The following BIRC6 variants were observed in gnomAD, a reference collection of about 807,000 sequenced individuals.
BIRC6 encodes baculoviral IAP repeat containing 6.
A neutral mutation model predicts 503.3 loss-of-function variants in BIRC6; 98 were observed. The ratio of observed to expected loss-of-function variants is 0.19; its 90% CI spans 0.17 to 0.23. The LOEUF is 0.23. Ranked by LOEUF, BIRC6 falls within the 10% of genes least tolerant of loss-of-function variation. BIRC6 has a pLI of 1.00. For synonymous variants in BIRC6, 2,240 were observed against 2,078.7 expected (o/e 1.08, Z -2.11); for missense variants, 5,360 against 5,806.0 (o/e 0.92, Z 2.50).
At chr2:32,428,300 C>G (rs1172898776) in intron 10 of BIRC6, among the ~76,000 whole-genome samples, 1 of 152,220 alleles carries the variant, frequency 6.6e-6, no homozygotes, top group Non-Finnish European at 1.5e-5. Context: ...GCTTCTCTCA[C>G]TACATGTAAT....
intron 66 of BIRC6, among the ~76,000 whole-genome samples, chr2:32,588,216 G>A (rs1438956900): frequency 2.0e-5 from 3 of 152,090 alleles, no homozygotes; most frequent in East Asian, 1.9e-4. Context: ...CTAGCCAGGC[G>A]TGGTGGTAGG....
intron 47 of BIRC6, among the ~76,000 whole-genome samples, chr2:32,502,569 GATA>G (rs1290516788): frequency 1.3e-5 from 2 of 152,174 alleles, no homozygotes; most frequent in Admixed American, 6.5e-5. Context: ...TAAGAGAAAA[GATA>G]ATAATGGATG....
intron 65 of BIRC6, among the ~76,000 whole-genome samples, chr2:32,570,834 G>T (rs1316832157): frequency 1.3e-5 from 2 of 152,012 alleles, no homozygotes; most frequent in Non-Finnish European, 2.9e-5. Flanking sequence ...GTCTTGCTCT[G>T]TTGCCCAGGC....
chr2:32,611,514 G>T lies in BIRC6; in HGVS notation c.14326G>T (p.Asp4776Tyr). Reference sequence around the variant, plus strand: ...GGCCCAATGTGAGGAGTGGATTGCGGATATCCAGCAGTACAGCAGTGATAA... The same window carrying T: ...GGCCCAATGTGAGGAGTGGATTGCGTATATCCAGCAGTACAGCAGTGATAA... ...IMAQCEEWIA[D>Y]IQQYSSDKRV... The change falls in exon 73 of 74, where the codon GAT becomes TAT. Residue 4776 changes from aspartate (D) to tyrosine (Y), a missense_variant. Asp to Tyr is a radical substitution (Grantham distance 160). Transcript: ENST00000421745. 1 of 1,611,172 alleles carries T rather than the reference G, an allele frequency of 6.2e-7. No individual in the cohort carries two copies. The highest frequency in any genetic ancestry group is 8.5e-7 in the Non-Finnish European group (1 of 1,178,226).
At chr2:32,552,153 G>T (rs1400038129) in intron 65 of BIRC6, among the ~76,000 whole-genome samples, 1 of 152,162 alleles carries the variant, frequency 6.6e-6, no homozygotes, top group East Asian at 1.9e-4. Context: ...AATTTTAAAT[G>T]TCAATTGTGG....
chr2:32,518,286 A>G lies in BIRC6; in HGVS notation c.11382A>G (p.Gln3794=). 1 of 1,613,210 alleles carries G rather than the reference A, an allele frequency of 6.2e-7. No homozygotes were observed. The highest frequency in any genetic ancestry group is 1.3e-5 in the African/African-American group (1 of 75,008). The change falls in exon 56 of 74, where the codon CAA becomes CAG. Residue 3794 remains glutamine (Q), a synonymous_variant. Coordinates refer to ENST00000421745, the MANE Select transcript of BIRC6 (RefSeq NM_016252.4). ...GTGAACTATTTCAGACATCTCCTCA[A>G]AGAGGGAACCTTCCAACATCTGGGA... ...VLCELFQTSP[Q]RGNLPTSGNI... is the part of the protein sequence containing the mutation.
chr2:32,599,275 G>C (rs552436678), intron 69 of BIRC6, among the ~76,000 whole-genome samples: 4 of 148,630 alleles, frequency 2.7e-5, no homozygotes, highest in African/African-American at 9.9e-5. Context: ...GTTGCAATGA[G>C]CCGAGATCAC....
chr2:32,555,716 A>G (rs182465498), intron 65 of BIRC6, among the ~76,000 whole-genome samples: 2 of 152,146 alleles, frequency 1.3e-5, no homozygotes, highest in African/African-American at 4.8e-5. Flanking sequence ...CACATCTGCA[A>G]TCCCAGCACT....
intron 71 of BIRC6, 142 bp downstream of exon 71, chr2:32,603,225 G>A: frequency 1.8e-6 from 1 of 559,950 alleles, no homozygotes; most frequent in Non-Finnish European, 3.0e-6. Context: ...TAGCTTATAG[G>A]TGAGAAGTTA....
At chr2:32,532,795 C>A (rs983578214) in intron 61 of BIRC6, among the ~76,000 whole-genome samples, 1 of 152,082 alleles carries the variant, frequency 6.6e-6, no homozygotes. Context: ...GCAGAAAAGA[C>A]CCCAACATTT....
rs992395538 is a variant in BIRC6, at chr2:32,600,144, A to G, written c.13992+244A>G. On this transcript the variant is annotated intron_variant, in intron 70 of 73. Transcript: ENST00000421745. ...ACTCGGGGACTTAACGTAAAGTTCT[A>G]TGATACATGCTATTAGGAACTTATT... Among the ~76,000 whole-genome samples, 8 of 152,340 alleles carry G rather than the reference A, an allele frequency of 5.3e-5. No homozygotes were observed. The South Asian group carries it at 6.2e-4, about 12-fold the overall frequency.
rs1363507246 is a variant in BIRC6 at position 32,416,025 on chromosome 2, G to A, written c.2734G>A (p.Val912Ile). The change falls in exon 10 of 74, where the codon GTA (valine) becomes ATA (isoleucine). Residue 912 changes from valine to isoleucine, a missense_variant. By Grantham distance (29) the Val-to-Ile change is conservative. Around this residue, in one of 16 missense-constraint regions of BIRC6, gnomAD observed 700 missense variants for 739.3 expected, o/e 0.95. Transcript: ENST00000421745. ...GGTAATAACCACTCAGGGAGGATATGTAAAAATACTAGATCTTTCAAACTT... is the reference window on the plus strand; with the variant it reads ...GGTAATAACCACTCAGGGAGGATATATAAAAATACTAGATCTTTCAAACTT... ...HLVITTQGGYVKILDLSNFEI... is the reference protein window; with the variant it reads ...HLVITTQGGYIKILDLSNFEI... The A allele has an allele frequency of 1.2e-6, 2 of 1,613,868 alleles. No homozygotes were observed. The highest frequency in any genetic ancestry group is 2.7e-5 in the African/African-American group (2 of 74,928).
chr2:32,427,336 G>A (rs2043624219), intron 10 of BIRC6, among the ~76,000 whole-genome samples: 1 of 151,868 alleles, frequency 6.6e-6, no homozygotes, highest in Non-Finnish European at 1.5e-5. Context: ...AGGCTGGAGT[G>A]CAGTGGCGCT....
Position 32,501,863 on chromosome 2 carries a change from T to C in BIRC6, c.9182T>C (p.Met3061Thr). Residue 3061 changes from methionine (M) to threonine (T), a missense_variant, in exon 47 of 74, where the codon ATG becomes ACG. By Grantham distance (81) the Met-to-Thr change is moderately conservative (BLOSUM62 -1). Transcript: ENST00000421745. ...ATGCTGCAGCCAATTTTAACATACA[T>C]GGCCTGTGGATATATGGGCAGACAA... ...HMMLQPILTY[M>T]ACGYMGRQGS... The C allele has an allele frequency of 1.2e-6, 2 of 1,612,324 alleles. No homozygotes were observed. The highest frequency in any genetic ancestry group is 1.3e-5 in the African/African-American group (1 of 74,946).
chr2:32,545,733 C>G lies in BIRC6; in HGVS notation c.12683C>G (p.Thr4228Ser). Residue 4228 changes from threonine (T) to serine (S), a missense_variant, in exon 63 of 74, where the codon ACT becomes AGT. This residue lies in a region of BIRC6 where 477 missense variants were observed against 574.4 expected (regional missense o/e 0.83). Coordinates refer to ENST00000421745, the MANE Select transcript of BIRC6 (RefSeq NM_016252.4). ...RSLFSTTPLT[T>S]DDGVLLRRMA... ...TTGTTTAGCACTACACCTTTGACAA[C>G]TGATGATGGTGTACTTCTAAGGCGG... is the stretch of plus-strand genomic sequence containing the variant. 1 of 1,613,798 alleles carries G rather than the reference C, an allele frequency of 6.2e-7. No homozygotes were observed. The highest frequency in any genetic ancestry group is 8.5e-7 in the Non-Finnish European group (1 of 1,179,730).
intron 54 of BIRC6, among the ~76,000 whole-genome samples, chr2:32,514,074 ACT>A (rs1399450830): frequency 6.6e-6 from 1 of 152,110 alleles, no homozygotes; most frequent in Non-Finnish European, 1.5e-5. Flanking sequence ...AAAAAAAATA[ACT>A]TTGGGGAGCT....
At chr2:32,451,366 A>C (rs1410060812) in intron 22 of BIRC6, among the ~76,000 whole-genome samples, 1 of 152,160 alleles carries the variant, frequency 6.6e-6, no homozygotes, top group African/African-American at 2.4e-5. Context: ...TCCTGAGATC[A>C]TTAAGGGGAT....
chr2:32,391,569 AAGAGT>A lies in BIRC6; in HGVS notation c.840-468_840-464del, dbSNP rs566550502. 4.6e-3 allele frequency among the ~76,000 whole-genome samples: 706 copies of A among 152,336 alleles called. 8 individuals are homozygous for A. The highest frequency in any genetic ancestry group is 0.014 in the Middle Eastern group (4 of 294). Reference sequence around the variant, plus strand: ...GTGCTAATTTAAGGGAAGAATTTAGAAGAGTATTTTCCTGTTTTCTTTGTCATGAC... The same window carrying A: ...GTGCTAATTTAAGGGAAGAATTTAGAATTTTCCTGTTTTCTTTGTCATGAC... On this transcript the variant is annotated intron_variant, in intron 4 of 73. Transcript: ENST00000421745.
At chr2:32,538,349 G>A (rs1431579468) in intron 61 of BIRC6, among the ~76,000 whole-genome samples, 3 of 152,168 alleles carry the variant, frequency 2.0e-5, no homozygotes, top group Non-Finnish European at 2.9e-5. Flanking sequence ...TTCAGCTGCT[G>A]TCTGTCACCG....
Sources: allele counts gnomAD v4.1 joint callset (sites outside exome capture counted in the v4.1 genomes callset), GRCh38; gene constraint gnomAD v4.1.1; regional missense constraint gnomAD v4.1.1; transcripts MANE v1.5; gene names NCBI Gene and HGNC (gene_info 2026-07-23, HGNC 2026-07-21).